The following BCL2 variants were observed in gnomAD, a reference collection of about 807,000 sequenced individuals.
BCL2 encodes BCL2 apoptosis regulator, also known as apoptosis regulator Bcl-2.
In BCL2, 1 loss-of-function variant was observed where a neutral mutation model predicts 14.2. That is an observed-to-expected ratio of 0.07 (90% CI 0.02 to 0.33). BCL2 has a LOEUF of 0.33. Among genes scored for constraint, BCL2 ranks in the 10% least tolerant of loss-of-function variants. The pLI, the probability that BCL2 is intolerant of heterozygous loss-of-function variation, is 0.99. For missense variants in BCL2, 247 were observed against 305.9 expected, an observed-to-expected ratio of 0.81 and a Z score of 1.44; for synonymous variants, 151 against 137.2, an observed-to-expected ratio of 1.10 and a Z score of -0.70.
intron 2 of BCL2, among the ~76,000 whole-genome samples, chr18:63,310,311 C>T (rs766792235): frequency 2.6e-5 from 4 of 152,172 alleles, no homozygotes; most frequent in African/African-American, 4.8e-5. Flanking sequence ...TCTCCATGCC[C>T]CAGTCAAATC....
chr18:63,179,456 T>C (rs1434781507), intron 2 of BCL2, among the ~76,000 whole-genome samples: 1 of 152,194 alleles, frequency 6.6e-6, no homozygotes, highest in Non-Finnish European at 1.5e-5. Flanking sequence ...TATTTGGAAC[T>C]GTCTGTGCCT....
intron 2 of BCL2, among the ~76,000 whole-genome samples, chr18:63,237,005 G>A (rs576076224): frequency 5.9e-5 from 9 of 152,042 alleles, no homozygotes; most frequent in African/African-American, 1.2e-4. Flanking sequence ...TTATTTGCAC[G>A]TGGTTTTGAG....
intron 2 of BCL2, among the ~76,000 whole-genome samples, chr18:63,310,638 G>A (rs543170533): frequency 5.0e-4 from 76 of 152,198 alleles, no homozygotes; most frequent in African/African-American, 1.7e-3. Flanking sequence ...AGCTTTGCAT[G>A]GTGTAGGGCC....
At chr18:63,157,107 G>C (rs763175068) in intron 2 of BCL2, among the ~76,000 whole-genome samples, 1 of 152,212 alleles carries the variant, frequency 6.6e-6, no homozygotes, top group Admixed American at 6.5e-5. Context: ...TTGTTTTCCC[G>C]AGGAATTAAG....
intron 2 of BCL2, among the ~76,000 whole-genome samples, chr18:63,153,701 A>G (rs1358607043): frequency 6.6e-6 from 1 of 152,178 alleles, no homozygotes; most frequent in Non-Finnish European, 1.5e-5. Flanking sequence ...GAGACTCATC[A>G]AGGCAGGATT....
rs140740610 is a variant in BCL2, at chr18:63,237,639, C to T, written c.585+80443G>A. Among the ~76,000 whole-genome samples, 332 of 152,298 alleles carry T rather than the reference C, an allele frequency of 2.2e-3. 1 individual carries two copies. The highest frequency in any genetic ancestry group is 7.3e-3 in the African/African-American group (304 of 41,560). On this transcript the variant is annotated intron_variant, in intron 2 of 2. Coordinates refer to ENST00000333681, the MANE Select transcript of BCL2 (RefSeq NM_000633.3). Reference sequence around the variant, plus strand: ...GGCTAGTTTTCACCCAATCCCTAGCCTCCTCACACCTTTCCTTGTTATTTT... The same window carrying T: ...GGCTAGTTTTCACCCAATCCCTAGCTTCCTCACACCTTTCCTTGTTATTTT...
chr18:63,137,635 G>A (rs1271403762), intron 2 of BCL2, among the ~76,000 whole-genome samples: 2 of 152,148 alleles, frequency 1.3e-5, no homozygotes, highest in African/African-American at 2.4e-5. Flanking sequence ...AGGACACAGA[G>A]GGATCTGACT....
intron 2 of BCL2, among the ~76,000 whole-genome samples, chr18:63,169,311 C>CTCT (rs1568222484): frequency 1.2e-4 from 4 of 33,362 alleles, no homozygotes; most frequent in Non-Finnish European, 1.9e-4. Flanking sequence ...TTTCTTTCTT[C>CTCT]CTTCCTTCCT....
At chr18:63,270,936 C>T (rs529857388) in intron 2 of BCL2, among the ~76,000 whole-genome samples, 3 of 152,178 alleles carry the variant, frequency 2.0e-5, no homozygotes, top group Admixed American at 2.0e-4. Context: ...TCTTGTGCCT[C>T]AGCCTCCTGA....
intron 2 of BCL2, among the ~76,000 whole-genome samples, chr18:63,226,918 GATAA>G (rs1910564815): frequency 6.6e-6 from 1 of 152,132 alleles, no homozygotes; most frequent in African/African-American, 2.4e-5. Context: ...GACTCAGATA[GATAA>G]ATAGAGGACT....
intron 2 of BCL2, among the ~76,000 whole-genome samples, chr18:63,198,299 C>CACACAGACACACACTG: frequency 6.6e-6 from 1 of 151,028 alleles, no homozygotes. Context: ...CACAGAGACA[C>CACACAGACACACACTG]ACACAGACAC....
At chr18:63,281,632 A>G (rs1912311202) in intron 2 of BCL2, among the ~76,000 whole-genome samples, 1 of 150,300 alleles carries the variant, frequency 6.7e-6, no homozygotes, top group African/African-American at 2.5e-5. Context: ...ATGCCACTGC[A>G]CTTCACTCTG....
At chr18:63,197,408 C>T (rs1909473584) in intron 2 of BCL2, among the ~76,000 whole-genome samples, 2 of 152,252 alleles carry the variant, frequency 1.3e-5, no homozygotes, top group Middle Eastern at 3.2e-3. Flanking sequence ...TGAGAACCCA[C>T]TACATGGTGG....
Position 63,318,854 on chromosome 18 carries a change from T to C in BCL2, c.-188A>G. 1.4e-6 allele frequency: 2 copies of C among 1,398,758 alleles called. No homozygotes were observed. Among genetic ancestry groups the C allele is most frequent in the South Asian group, 3.3e-5 (2 of 60,998 alleles). 86.6% of individuals were successfully genotyped at this position (1,398,758 alleles called of 1,614,324 possible). On this transcript the variant is annotated 5_prime_UTR_variant, in exon 2 of 3. Transcript: ENST00000333681. This position sits in a 1 kb window ranked among gnomAD's most constrained non-coding sequence, Gnocchi z 7.4. The stretch of plus-strand genomic sequence containing the variant: ...CTGGTGTTTCCCCCTTGGCATGAGA[T>C]GCAGGAAATTTTTATTCCAATTCCT...
At chr18:63,133,867 G>A (rs964044870) in intron 2 of BCL2, among the ~76,000 whole-genome samples, 4 of 152,184 alleles carry the variant, frequency 2.6e-5, no homozygotes, top group Non-Finnish European at 4.4e-5. Flanking sequence ...CACAGATTAT[G>A]TATAATAGCA....
At chr18:63,227,141 C>T (rs930081746) in intron 2 of BCL2, among the ~76,000 whole-genome samples, 7 of 152,130 alleles carry the variant, frequency 4.6e-5, no homozygotes, top group African/African-American at 1.7e-4. Flanking sequence ...TTATCAATTA[C>T]ACAAATCAAA....
chr18:63,277,815 G>A lies in BCL2; in HGVS notation c.585+40267C>T, dbSNP rs76473392. The stretch of plus-strand genomic sequence containing the variant: ...GAGAAAATGGCCAATGAAAAGGAGG[G>A]GGAAACACTTTTTAAAAATAACTAT... On this transcript the variant is annotated intron_variant, in intron 2 of 2. Coordinates refer to ENST00000333681, the MANE Select transcript of BCL2 (RefSeq NM_000633.3). Among the ~76,000 whole-genome samples the A allele has an allele frequency of 5.5e-3, 837 of 152,174 alleles. 8 individuals are homozygous for A. The highest frequency in any genetic ancestry group is 0.019 in the African/African-American group (797 of 41,508).
At chr18:63,199,246 AAC>A (rs909880781) in intron 2 of BCL2, among the ~76,000 whole-genome samples, 79 of 148,980 alleles carry the variant, frequency 5.3e-4, no homozygotes, top group African/African-American at 1.9e-3. Context: ...TGCACACAGA[AAC>A]ACACAGACAA....
intron 2 of BCL2, among the ~76,000 whole-genome samples, chr18:63,219,651 T>C (rs1479876719): frequency 3.3e-5 from 5 of 152,078 alleles, no homozygotes; most frequent in South Asian, 2.1e-4. Flanking sequence ...CCAGCCACCA[T>C]TGTCTTCCAA....
Sources: gnomAD v4.1 joint callset for allele counts (sites outside exome capture counted in the v4.1 genomes callset) on GRCh38, gnomAD v4.1.1 for gene constraint, Gnocchi (gnomAD v3.1) non-coding constraint, MANE v1.5 for transcripts, NCBI Gene and HGNC (gene_info 2026-07-23, HGNC 2026-07-21) for gene names.